Variants in FGF13 observed in about 807,000 individuals in gnomAD.
FGF13 encodes the protein fibroblast growth factor homologous factor 2.
FGF13 carries 2 observed loss-of-function variants against 19.5 expected under a neutral mutation model. The observed-to-expected ratio is 0.10, with a 90% CI of 0.04 to 0.32. The LOEUF (loss-of-function observed/expected upper bound fraction) is 0.32. Among genes scored for constraint, FGF13 ranks in the 10% least tolerant of loss-of-function variants. The pLI is 1.00. For synonymous variants in FGF13, 72 were observed against 76.9 expected, an observed-to-expected ratio of 0.94 and a Z score of 0.33; for missense variants, 113 against 192.7, an observed-to-expected ratio of 0.59 and a Z score of 2.45.
chrX:139,024,196 A>G (rs1185104662), intron 1 of FGF13, among the ~76,000 whole-genome samples: 1 of 111,469 alleles, frequency 9.0e-6, no homozygotes, highest in Non-Finnish European at 1.9e-5. Flanking sequence ...TTTTTGACCA[A>G]AAGTCTCCCC....
chrX:138,926,278 G>C (rs2091673859), intron 1 of FGF13, among the ~76,000 whole-genome samples: 2 of 112,159 alleles, frequency 1.8e-5, no homozygotes. Flanking sequence ...ATGCACTACT[G>C]TGTTTAAGAC....
chrX:139,011,739 C>T (rs1436351730), intron 1 of FGF13, among the ~76,000 whole-genome samples: 8 of 111,511 alleles, frequency 7.2e-5, no homozygotes, highest in South Asian at 3.7e-4. Context: ...TTATACCGAA[C>T]GGGCAAAAGT....
Position 138,984,588 on chromosome X carries a change from A to AAGAAGAAGAAGGAGG in FGF13, c.-112-119939_-112-119938insCCTCCTTCTTCTTCT, listed in dbSNP as rs2091982501. ...GAAGAAGAAGAAGAAGAAGAAGAAG[A>AAGAAGAAGAAGGAGG]AGGAGGAGGAGGAGGAGGAGGAGGA... On this transcript the variant is annotated intron_variant, in intron 1 of 2. Coordinates refer to the FGF13 transcript ENST00000421460. Among the ~76,000 whole-genome samples, 15 of 11,511 alleles carry AAGAAGAAGAAGGAGG rather than the reference A, an allele frequency of 1.3e-3. 1 individual carries two copies. Among genetic ancestry groups the AAGAAGAAGAAGGAGG allele is most frequent in the Non-Finnish European group, 2.5e-3 (13 of 5,296 alleles). The allele number at this position is 11,511 out of a possible 115,157, so 10.0% of individuals were successfully genotyped here.
At chrX:138,972,682 C>A (rs767312025) in intron 1 of FGF13, among the ~76,000 whole-genome samples, 1 of 110,849 alleles carries the variant, frequency 9.0e-6, no homozygotes, top group African/African-American at 3.3e-5. Context: ...TATTTTTTGT[C>A]TTTTTCATAA....
rs139229544 is a variant in FGF13 at position 138,921,859 on chromosome X, A to C, written c.-112-57209T>G. Among the ~76,000 whole-genome samples the C allele has an allele frequency of 5.0e-3, 543 of 108,837 alleles. 3 individuals carry two copies. Among genetic ancestry groups the C allele is most frequent in the Non-Finnish European group, 8.4e-3 (442 of 52,472 alleles). The allele number at this position is 108,837 out of a possible 115,157, so 94.5% of individuals were successfully genotyped here. ...CTAGGCACTGCAGGGAGATCCAAAA[A>C]TTATGAGGTAGAACCCATGCTTCAG... On this transcript the variant is annotated intron_variant, in intron 1 of 2. Coordinates refer to the FGF13 transcript ENST00000421460.
chrX:138,758,214 C>T (rs2090443795), intron 3 of FGF13, among the ~76,000 whole-genome samples: 3 of 111,340 alleles, frequency 2.7e-5, no homozygotes, highest in African/African-American at 9.8e-5. Context: ...TCCTCTCCTC[C>T]TCCCTCAATG....
At chrX:139,087,808 T>C (rs1245596163) in intron 1 of FGF13, among the ~76,000 whole-genome samples, 1 of 112,231 alleles carries the variant, frequency 8.9e-6, no homozygotes. Flanking sequence ...AAAACCCAGC[T>C]AGATTGTTTA....
chrX:138,757,412 C>G (rs1389911707), intron 3 of FGF13, among the ~76,000 whole-genome samples: 1 of 111,130 alleles, frequency 9.0e-6, no homozygotes, highest in African/African-American at 3.3e-5. Context: ...AATTCAAATC[C>G]AGCATGGAAC....
chrX:138,892,000 A>ATGTGTGTGTGTG (rs200883636), intron 1 of FGF13, among the ~76,000 whole-genome samples: 241 of 46,940 alleles, frequency 5.1e-3, no homozygotes, highest in African/African-American at 0.017. Flanking sequence ...CTATATATAC[A>ATGTGTGTGTGTG]TATGTGTGTG....
At chrX:139,019,744 G>A (rs1173027892) in intron 1 of FGF13, among the ~76,000 whole-genome samples, 1 of 110,688 alleles carries the variant, frequency 9.0e-6, no homozygotes, top group Non-Finnish European at 1.9e-5. Flanking sequence ...GTGTATATGT[G>A]TGTGAGTGTT....
At chrX:138,877,468 A>G (rs2091397484) in intron 1 of FGF13, among the ~76,000 whole-genome samples, 1 of 111,924 alleles carries the variant, frequency 8.9e-6, no homozygotes, top group African/African-American at 3.2e-5. Context: ...AGCCATTTAA[A>G]TAGTTTTTAA....
chrX:138,699,371 C>A (rs752555500), intron 3 of FGF13, among the ~76,000 whole-genome samples: 1 of 111,605 alleles, frequency 9.0e-6, no homozygotes, highest in African/African-American at 3.3e-5. Flanking sequence ...TTGTTCATTT[C>A]TTTTACTTAA....
intron 3 of FGF13, among the ~76,000 whole-genome samples, chrX:138,796,378 T>C (rs898776117): frequency 8.9e-5 from 10 of 112,033 alleles, no homozygotes; most frequent in Non-Finnish European, 1.9e-4. Flanking sequence ...GCTTCATCCA[T>C]GTCCCTGCAA....
chrX:138,962,013 G>C (rs59446765), intron 1 of FGF13, among the ~76,000 whole-genome samples: 3 of 111,871 alleles, frequency 2.7e-5, no homozygotes, highest in Non-Finnish European at 3.8e-5. Context: ...TTAAACTAAA[G>C]AGCTTCTGCA....
intron 3 of FGF13, among the ~76,000 whole-genome samples, chrX:138,646,504 C>A (rs1385037528): frequency 2.7e-5 from 3 of 111,586 alleles, no homozygotes; most frequent in Non-Finnish European, 5.6e-5. Context: ...AGCCAGGCAG[C>A]CTATCCCCTA....
intron 1 of FGF13, among the ~76,000 whole-genome samples, chrX:138,739,056 G>T (rs1186638662): frequency 4.6e-5 from 5 of 109,082 alleles, no homozygotes; most frequent in African/African-American, 1.7e-4. Context: ...TTTTCCAAAA[G>T]AATCCATTCT....
In FGF13 at chrX:138,628,322, A is replaced by C. The variant is rs1003872673; in HGVS notation, c.*4528T>G. 1 of 112,280 alleles carries C rather than the reference A, an allele frequency of 8.9e-6. No homozygotes were observed. The highest frequency in any genetic ancestry group is 2.8e-4 in the East Asian group (1 of 3,568). 9.3% of individuals were successfully genotyped at this position (112,280 alleles called of 1,213,427 possible). A position where few individuals can be genotyped will look rare whatever the true frequency, so the allele number is the denominator to read the frequency against. ...TGGCCTGACCTAGCTATACTTTGCT[A>C]ATTGTTTTATAATTGGAAATGGTCA... On this transcript the variant is annotated 3_prime_UTR_variant, in exon 5 of 5. Transcript: ENST00000315930.
intron 3 of FGF13, among the ~76,000 whole-genome samples, chrX:138,693,327 T>C (rs781413701): frequency 8.9e-6 from 1 of 112,036 alleles, no homozygotes; most frequent in Admixed American, 9.5e-5. Context: ...GCAATAATTT[T>C]AAAGACTTTC....
chrX:138,640,968 C>A (rs1309757399), intron 3 of FGF13, among the ~76,000 whole-genome samples: 1 of 110,623 alleles, frequency 9.0e-6, no homozygotes, highest in African/African-American at 3.3e-5. Flanking sequence ...TTTTTTTTTA[C>A]ATGGGCTGCA....
Sources: allele counts gnomAD v4.1 joint callset (sites outside exome capture counted in the v4.1 genomes callset), GRCh38; gene constraint gnomAD v4.1.1; transcripts MANE v1.5; gene names NCBI Gene and HGNC (gene_info 2026-07-23, HGNC 2026-07-21).